Variants in DNAH8 observed in about 807,000 individuals in gnomAD.
DNAH8 encodes the protein dynein axonemal heavy chain 8.
In DNAH8, 382 loss-of-function variants were observed where a neutral mutation model predicts 562.1. The ratio of observed to expected loss-of-function variants is 0.68; its 90% CI spans 0.63 to 0.74. DNAH8 has a LOEUF of 0.74. DNAH8 is among the 30% of genes least tolerant of loss of function. The probability of loss-of-function intolerance (pLI) is 0.00; values close to 1 mark genes in which losing one functional copy is unlikely to be tolerated. For synonymous variants in DNAH8, 1,881 were observed against 1,919.4 expected (o/e 0.98, Z 0.52); for missense variants, 5,203 against 5,620.4 (o/e 0.93, Z 2.37).
rs1762907268 is a variant in DNAH8 at position 38,723,081 on chromosome 6, G to T, written c.272G>T (p.Arg91Leu). ...LNRVRQRLAP[R>L]PVQSVISEVL... The stretch of plus-strand genomic sequence containing the variant: ...AGAGTTCGACAGAGGCTTGCACCGC[G>T]ACCGGTTCAGTCAGTGATTTCGGAA... Residue 91 changes from arginine (R) to leucine (L), a missense_variant, in exon 2 of 93, where the codon CGA becomes CTA. Transcript: ENST00000327475. 1.9e-6 allele frequency: 3 copies of T among 1,612,774 alleles called. No individual in the cohort carries two copies. The highest frequency in any genetic ancestry group is 2.7e-5 in the African/African-American group (2 of 74,924).
chr6:38,784,253 A>G (rs1361636068), intron 17 of DNAH8, among the ~76,000 whole-genome samples: 1 of 152,198 alleles, frequency 6.6e-6, no homozygotes, highest in African/African-American at 2.4e-5. Context: ...AGGAGCTTCG[A>G]GAGGAGCTTA....
intron 62 of DNAH8, among the ~76,000 whole-genome samples, chr6:38,905,147 G>A (rs1303210362): frequency 1.3e-5 from 2 of 152,124 alleles, no homozygotes; most frequent in Non-Finnish European, 2.9e-5. Context: ...GATCTTTCTG[G>A]TTCCAGGGCT....
At chr6:38,808,765 G>C (rs1290840340) in intron 24 of DNAH8, among the ~76,000 whole-genome samples, 2 of 152,174 alleles carry the variant, frequency 1.3e-5, no homozygotes, top group Non-Finnish European at 2.9e-5. Flanking sequence ...CAGCCATAAA[G>C]AAGAATGAGT....
chr6:38,961,944 C>T (rs914481486), intron 82 of DNAH8, among the ~76,000 whole-genome samples: 13 of 151,656 alleles, frequency 8.6e-5, no homozygotes, highest in East Asian at 1.9e-4. Flanking sequence ...AATGAATCAA[C>T]GGAAAAACTA....
chr6:38,727,217 TA>T (rs1243050514), intron 3 of DNAH8, among the ~76,000 whole-genome samples: 1 of 152,168 alleles, frequency 6.6e-6, no homozygotes, highest in Non-Finnish European at 1.5e-5. Context: ...AGCAGCTCAG[TA>T]AAGGCACCAC....
intron 78 of DNAH8, 29 bp from the exon 79 acceptor site, chr6:38,938,769 G>C (rs760969202): frequency 6.5e-7 from 1 of 1,534,042 alleles, no homozygotes; most frequent in Admixed American, 1.9e-5. Flanking sequence ...ATTGCCCTTT[G>C]CTTCTTTGAT....
intron 11 of DNAH8, among the ~76,000 whole-genome samples, chr6:38,767,275 A>T (rs1381129418): frequency 6.6e-6 from 1 of 152,150 alleles, no homozygotes; most frequent in Non-Finnish European, 1.5e-5. Flanking sequence ...CGTCTCTACT[A>T]AAAATACAAA....
At chr6:38,863,424 C>CA (rs1026879865) in intron 44 of DNAH8, among the ~76,000 whole-genome samples, 238 of 151,204 alleles carry the variant, frequency 1.6e-3, no homozygotes, top group African/African-American at 5.2e-3. Flanking sequence ...AAGACTCTAC[C>CA]AAAAAAAACA....
chr6:38,997,920 G>A (rs13214314), intron 88 of DNAH8, among the ~76,000 whole-genome samples: 21,076 of 152,162 alleles, frequency 0.14, 1,672 homozygotes, highest in Middle Eastern at 0.2. Context: ...ACCAGGCCCG[G>A]CTAATATTTG....
At chr6:38,983,780 T>G (rs1376368760) in intron 86 of DNAH8, among the ~76,000 whole-genome samples, 2 of 152,330 alleles carry the variant, frequency 1.3e-5, no homozygotes, top group East Asian at 3.9e-4. Context: ...ATTTTCTTGT[T>G]GTTCTCGTAA....
At chr6:38,789,424 G>A (rs1258514284) in intron 18 of DNAH8, among the ~76,000 whole-genome samples, 1 of 152,152 alleles carries the variant, frequency 6.6e-6, no homozygotes, top group Non-Finnish European at 1.5e-5. Flanking sequence ...ATTTTGACTC[G>A]AGAAAGCAAG....
chr6:38,983,546 T>C (rs1764175927), intron 86 of DNAH8, among the ~76,000 whole-genome samples: 1 of 152,188 alleles, frequency 6.6e-6, no homozygotes, highest in South Asian at 2.1e-4. Context: ...GCAACCAAGC[T>C]GAAAAATAAA....
chr6:38,870,506 C>G lies in DNAH8; in HGVS notation c.6934C>G (p.Gln2312Glu). 1 of 1,614,096 alleles carries G rather than the reference C, an allele frequency of 6.2e-7. No homozygotes were observed. Among genetic ancestry groups the G allele is most frequent in the Non-Finnish European group, 8.5e-7 (1 of 1,179,978 alleles). Residue 2312 changes from glutamine to glutamate, a missense_variant, in exon 49 of 93, where the codon CAG becomes GAG. Transcript: ENST00000327475. Reference protein sequence around the residue: ...YAELQNAVAHQVQIEGLINHP... With the variant: ...YAELQNAVAHEVQIEGLINHP... ...AGAACTGCAAAACGCAGTAGCCCAT[C>G]AGGTTCAGATAGAGGGTTTGATTAA...
At position 38,737,766 on chromosome 6, in the gene DNAH8, TAATA is replaced by T. The variant is rs747565030; in HGVS notation, c.953-42_953-39del. 1.4e-5 allele frequency: 12 copies of T among 839,194 alleles called. No homozygotes were observed. In the South Asian group the frequency reaches 4.6e-4, roughly 32 times the overall value. 52.0% of individuals were successfully genotyped at this position (839,194 alleles called of 1,614,324 possible). ...TTTTTATTAATATATTTAAAATATT[TAATA>T]TATAAATTAGTATTAAATGTCTTTT... On this transcript the variant is annotated intron_variant, in intron 6 of 92. Transcript: ENST00000327475.
intron 81 of DNAH8, 67 bp downstream of exon 81, chr6:38,949,637 C>G: frequency 1.0e-6 from 1 of 983,036 alleles, no homozygotes; most frequent in East Asian, 2.4e-5. Flanking sequence ...GATTTTATCT[C>G]AGTGAGTTTA....
chr6:39,010,765 TTATA>T (rs376519676), intron 89 of DNAH8, among the ~76,000 whole-genome samples: 2 of 142,148 alleles, frequency 1.4e-5, no homozygotes, highest in South Asian at 2.2e-4. Context: ...TAGATATAAT[TTATA>T]TATATATATA....
At chr6:38,941,379 C>A (rs1363066108) in intron 79 of DNAH8, among the ~76,000 whole-genome samples, 1 of 152,194 alleles carries the variant, frequency 6.6e-6, no homozygotes, top group Admixed American at 6.5e-5. Flanking sequence ...GTTAGATTAC[C>A]ACTGTGGAAA....
chr6:38,915,543 T>A (rs909781530), intron 68 of DNAH8, among the ~76,000 whole-genome samples, 166 bp downstream of exon 68: 6 of 152,238 alleles, frequency 3.9e-5, no homozygotes, highest in African/African-American at 1.4e-4. Context: ...AGTTCTAATT[T>A]TTTTAAAGTC....
intron 65 of DNAH8, among the ~76,000 whole-genome samples, chr6:38,910,970 A>G (rs1347984645): frequency 6.6e-6 from 1 of 152,222 alleles, no homozygotes; most frequent in African/African-American, 2.4e-5. Context: ...TTCAAGGCCA[A>G]TCCAGTGAAC....
Sources: gnomAD v4.1 joint callset for allele counts (sites outside exome capture counted in the v4.1 genomes callset) on GRCh38, gnomAD v4.1.1 for gene constraint, MANE v1.5 for transcripts, NCBI Gene and HGNC (gene_info 2026-07-23, HGNC 2026-07-21) for gene names.